The following CXADR variants were observed in gnomAD, a reference collection of about 807,000 sequenced individuals.
CXADR encodes the protein coxsackievirus and adenovirus receptor.
A neutral mutation model predicts 40.3 loss-of-function variants in CXADR; 20 were observed. The ratio of observed to expected loss-of-function variants is 0.50; its 90% CI spans 0.35 to 0.72. The LOEUF is 0.72. Ranked by LOEUF, CXADR falls within the 30% of genes least tolerant of loss-of-function variation. The probability of loss-of-function intolerance (pLI) is 0.01; values close to 1 mark genes in which losing one functional copy is unlikely to be tolerated. For synonymous variants in CXADR, 150 were observed against 161.3 expected, an observed-to-expected ratio of 0.93 and a Z score of 0.53; for missense variants, 332 against 449.1, an observed-to-expected ratio of 0.74 and a Z score of 2.36.
the CXADR span, among the ~76,000 whole-genome samples, chr21:17,627,363 A>G: frequency 4.6e-5 from 7 of 152,204 alleles, no homozygotes. Context: ...CCTCGAAAAA[A>G]AAGAGAACTG....
intron 7 of CXADR, among the ~76,000 whole-genome samples, chr21:17,587,157 G>C (rs527867618): frequency 1.3e-4 from 20 of 152,292 alleles, no homozygotes; most frequent in Admixed American, 9.2e-4. Flanking sequence ...ATGTGGGTTG[G>C]TTCCAAGTCT....
At chr21:17,602,764 G>A in the CXADR span, among the ~76,000 whole-genome samples, 43 of 152,246 alleles carry the variant, frequency 2.8e-4, no homozygotes, top group African/African-American at 1.0e-3. Context: ...ATCAAGTAAT[G>A]AAATGTCTAC....
the CXADR span, among the ~76,000 whole-genome samples, chr21:17,631,918 C>T: frequency 1.3e-5 from 2 of 152,244 alleles, no homozygotes; most frequent in Admixed American, 1.3e-4. Flanking sequence ...CTCAATAGAT[C>T]GTTCCACCTC....
chr21:17,572,880 T>C (rs1307487870), downstream of CXADR, among the ~76,000 whole-genome samples: 1 of 152,218 alleles, frequency 6.6e-6, no homozygotes, highest in Non-Finnish European at 1.5e-5. Context: ...GATTTTAGCT[T>C]TCCAAAAGAC....
intron 7 of CXADR, among the ~76,000 whole-genome samples, chr21:17,586,818 G>T (rs1341877275): frequency 2.6e-5 from 4 of 151,858 alleles, no homozygotes; most frequent in African/African-American, 7.3e-5. Flanking sequence ...TACATGTGCC[G>T]TGTTGGTGTG....
intron 1 of CXADR, among the ~76,000 whole-genome samples, chr21:17,529,896 G>GCCCT (rs976809946): frequency 6.6e-6 from 1 of 151,602 alleles, no homozygotes; most frequent in African/African-American, 2.4e-5. Flanking sequence ...CATATCAGAA[G>GCCCT]CCCTGTCATG....
chr21:17,575,527 G>A lies in CXADR; in HGVS notation c.1017+9916G>A, dbSNP rs964902794. 5.5e-5 allele frequency among the ~76,000 whole-genome samples: 8 copies of A among 146,198 alleles called. No homozygotes were observed. In the East Asian group the frequency reaches 6.2e-4, roughly 11 times the overall value. ...TTTTTTTGAGGCGGAGTCTCGCTCC[G>A]TTGCCCAGGCTGGAGTGCAGTGGCA... On this transcript the variant is annotated intron_variant, in intron 7 of 7. Transcript: ENST00000400169.
intron 6 of CXADR, 115 bp from the exon 7 acceptor site, chr21:17,565,313 A>T: frequency 9.7e-7 from 1 of 1,028,566 alleles, no homozygotes. Flanking sequence ...ACACACACAC[A>T]CTTTTATATG....
At chr21:17,557,910 C>T (rs985737691) in intron 3 of CXADR, among the ~76,000 whole-genome samples, 30 of 152,044 alleles carry the variant, frequency 2.0e-4, no homozygotes, top group Non-Finnish European at 4.4e-5. Flanking sequence ...GATCAGCCCA[C>T]GTGATTAACA....
chr21:17,615,601 G>A, the CXADR span, among the ~76,000 whole-genome samples: 1 of 152,172 alleles, frequency 6.6e-6, no homozygotes, highest in Non-Finnish European at 1.5e-5. Context: ...TTATTGTACT[G>A]TACCACTGGT....
rs545391072 is a variant in CXADR at position 17,540,926 on chromosome 21, ATATG to A, written c.44-6100_44-6097del. ...CTAATTTATATTTATTTAATTATAA[ATATG>A]GTTGTGTGCTCTCTTGTTAATCTTT... On this transcript the variant is annotated intron_variant, in intron 1 of 6. Coordinates refer to ENST00000284878, the MANE Select transcript of CXADR (RefSeq NM_001338.5). Among the ~76,000 whole-genome samples, 4 of 152,296 alleles carry A rather than the reference ATATG, an allele frequency of 2.6e-5. No individual in the cohort carries two copies. The South Asian group carries it at 8.3e-4, about 32-fold the overall frequency.
At position 17,566,375 on chromosome 21, in the gene CXADR, G is replaced by A. The variant is rs2061209041; in HGVS notation, c.*683G>A. On this transcript the variant is annotated 3_prime_UTR_variant, in exon 7 of 7. Coordinates refer to ENST00000284878, the MANE Select transcript of CXADR (RefSeq NM_001338.5). ...TTAGCAAGCTCTTTTATATGCTAAA[G>A]GAGCATCTATCAGATTAAGTTAGAA... 1.0e-6 allele frequency: 1 copy of A among 984,858 alleles called. No homozygotes were observed. The highest frequency in any genetic ancestry group is 1.7e-5 in the African/African-American group (1 of 57,208). The allele number at this position is 984,858 out of a possible 1,614,324, so 61.0% of individuals were successfully genotyped here.
chr21:17,534,142 C>T (rs2060722964), intron 1 of CXADR, among the ~76,000 whole-genome samples: 1 of 110,474 alleles, frequency 9.1e-6, no homozygotes, highest in South Asian at 3.1e-4. Context: ...GAGTCTCGCT[C>T]TGTTACCCAG....
the CXADR span, among the ~76,000 whole-genome samples, chr21:17,600,219 G>A: frequency 6.6e-6 from 1 of 152,032 alleles, no homozygotes; most frequent in African/African-American, 2.4e-5. Flanking sequence ...GTGGACATAG[G>A]AGAAATCCAC....
intron 3 of CXADR, 72 bp downstream of exon 3, chr21:17,552,025 C>A: frequency 8.8e-7 from 1 of 1,132,472 alleles, no homozygotes; most frequent in Non-Finnish European, 1.3e-6. Context: ...GTAGTAGCAG[C>A]ACTTGTATAA....
chr21:17,565,844 T>A lies in CXADR; in HGVS notation c.*152T>A. 3.8e-6 allele frequency: 5 copies of A among 1,321,848 alleles called. No homozygotes were observed. Among genetic ancestry groups the A allele is most frequent in the Non-Finnish European group, 4.8e-6 (5 of 1,033,490 alleles). The allele number at this position is 1,321,848 out of a possible 1,614,324, so 81.9% of individuals were successfully genotyped here. ...TACGGAATATATTTTTAAAAATTTT[T>A]GTTTGGTTATATCGAAATAGTTACA... On this transcript the variant is annotated 3_prime_UTR_variant, in exon 7 of 7. Transcript: ENST00000284878.
chr21:17,608,513 C>T, the CXADR span, among the ~76,000 whole-genome samples: 1 of 151,716 alleles, frequency 6.6e-6, no homozygotes, highest in Non-Finnish European at 1.5e-5. Context: ...CTTGTATTAA[C>T]GACATATCAG....
intron 7 of CXADR, among the ~76,000 whole-genome samples, chr21:17,583,575 A>C (rs756927708): frequency 6.7e-5 from 10 of 149,660 alleles, no homozygotes; most frequent in Non-Finnish European, 1.5e-4. Flanking sequence ...CATCCAAAAT[A>C]GCCATCAGAT....
Position 17,567,364 on chromosome 21 carries a change from C to T in CXADR, c.*1672C>T, listed in dbSNP as rs1278499707. 2.0e-6 allele frequency: 2 copies of T among 984,852 alleles called. No homozygotes were observed. Among genetic ancestry groups the T allele is most frequent in the Middle Eastern group, 5.2e-4 (1 of 1,914 alleles). The allele number at this position is 984,852 out of a possible 1,614,324, so 61.0% of individuals were successfully genotyped here. ...GAAGCATTTTAAAAACAGGTTTTAA[C>T]CTTATGTAAAATTACTTTTATACTC... is the stretch of plus-strand genomic sequence containing the variant. On this transcript the variant is annotated 3_prime_UTR_variant, in exon 7 of 7. Transcript: ENST00000284878.
Sources: allele counts gnomAD v4.1 joint callset (sites outside exome capture counted in the v4.1 genomes callset), GRCh38; gene constraint gnomAD v4.1.1; transcripts MANE v1.5; gene names NCBI Gene and HGNC (gene_info 2026-07-23, HGNC 2026-07-21).